Variants in SLX4IP observed in about 807,000 individuals in gnomAD.
SLX4IP encodes protein SLX4IP.
SLX4IP carries 34 observed loss-of-function variants against 32.9 expected under a neutral mutation model. The observed-to-expected ratio is 1.03, with a 90% CI of 0.79 to 1.38. The LOEUF is 1.38. SLX4IP is among the 40% of genes most tolerant of loss of function. The probability of loss-of-function intolerance (pLI) is 0.00; values close to 1 mark genes in which losing one functional copy is unlikely to be tolerated. For synonymous variants in SLX4IP, 172 were observed against 171.7 expected (o/e 1.00, Z -0.01); for missense variants, 444 against 479.0 (o/e 0.93, Z 0.68).
chr20:10,514,264 G>A (rs1276675387), intron 2 of SLX4IP, among the ~76,000 whole-genome samples: 3 of 152,116 alleles, frequency 2.0e-5, no homozygotes, highest in Non-Finnish European at 4.4e-5. Flanking sequence ...ATTCTATTTG[G>A]TGCATTTTCC....
At chr20:10,502,498 A>G (rs1480882701) in intron 2 of SLX4IP, among the ~76,000 whole-genome samples, 1 of 152,038 alleles carries the variant, frequency 6.6e-6, no homozygotes, top group Non-Finnish European at 1.5e-5. Flanking sequence ...CCGCTCACAA[A>G]CCCACTCACT....
intron 1 of SLX4IP, among the ~76,000 whole-genome samples, chr20:10,438,035 C>A (rs1234634550): frequency 6.6e-6 from 1 of 152,090 alleles, no homozygotes; most frequent in Non-Finnish European, 1.5e-5. Context: ...ATAGTCACAG[C>A]CATGTAAATA....
intron 4 of SLX4IP, among the ~76,000 whole-genome samples, chr20:10,562,584 C>T (rs1328399529): frequency 6.6e-6 from 1 of 152,114 alleles, no homozygotes; most frequent in Non-Finnish European, 1.5e-5. Context: ...GAAAATACAA[C>T]ATTTGGGCGT....
chr20:10,554,600 C>A (rs2122495031), intron 2 of SLX4IP, among the ~76,000 whole-genome samples: 1 of 151,978 alleles, frequency 6.6e-6, no homozygotes, highest in South Asian at 2.1e-4. Flanking sequence ...ACCAACATTT[C>A]ATGTTATGTC....
intron 2 of SLX4IP, among the ~76,000 whole-genome samples, chr20:10,470,989 A>G (rs1355967755): frequency 1.3e-5 from 2 of 152,218 alleles, no homozygotes; most frequent in Non-Finnish European, 2.9e-5. Flanking sequence ...CCCTTTGAGC[A>G]TCTTATTTCT....
At chr20:10,462,851 A>G (rs1453788457) in intron 2 of SLX4IP, among the ~76,000 whole-genome samples, 1 of 152,242 alleles carries the variant, frequency 6.6e-6, no homozygotes, top group African/African-American at 2.4e-5. Flanking sequence ...TCCTGTAACA[A>G]AAGAATAAGT....
At chr20:10,437,371 A>G (rs1427123256) in intron 1 of SLX4IP, among the ~76,000 whole-genome samples, 1 of 152,226 alleles carries the variant, frequency 6.6e-6, no homozygotes, top group African/African-American at 2.4e-5. Flanking sequence ...GGGAGCTTTA[A>G]AAACAGACTC....
intron 6 of SLX4IP, among the ~76,000 whole-genome samples, chr20:10,604,419 T>A (rs1600148189): frequency 6.6e-6 from 1 of 152,196 alleles, no homozygotes; most frequent in East Asian, 1.9e-4. Flanking sequence ...GGATTCTCAA[T>A]GTCTAAGTGA....
intron 6 of SLX4IP, among the ~76,000 whole-genome samples, chr20:10,607,926 T>G (rs1299446315): frequency 1.3e-5 from 2 of 152,218 alleles, no homozygotes; most frequent in East Asian, 3.8e-4. Context: ...GTGAAAAACA[T>G]GGTTTGTGCC....
intron 1 of SLX4IP, among the ~76,000 whole-genome samples, chr20:10,445,473 G>A (rs2065194701): frequency 1.3e-5 from 2 of 151,228 alleles, no homozygotes; most frequent in African/African-American, 2.4e-5. Context: ...GCACCAAGAC[G>A]CCTGGCTAAT....
At chr20:10,520,310 A>G (rs1011114843) in intron 2 of SLX4IP, among the ~76,000 whole-genome samples, 6 of 151,868 alleles carry the variant, frequency 4.0e-5, no homozygotes, top group African/African-American at 1.5e-4. Flanking sequence ...TCAGCCTCCC[A>G]AAGTACTGGG....
At chr20:10,515,450 T>G (rs912574314) in intron 2 of SLX4IP, among the ~76,000 whole-genome samples, 5 of 152,178 alleles carry the variant, frequency 3.3e-5, no homozygotes, top group African/African-American at 1.2e-4. Flanking sequence ...AGTGATATAG[T>G]TGCTTTCCAA....
intron 2 of SLX4IP, among the ~76,000 whole-genome samples, chr20:10,538,161 T>C (rs1014012508): frequency 1.3e-5 from 2 of 152,220 alleles, no homozygotes; most frequent in African/African-American, 4.8e-5. Flanking sequence ...ATCCACACTC[T>C]TTGGCTGAGC....
At chr20:10,503,650 T>G (rs1032882420) in intron 2 of SLX4IP, among the ~76,000 whole-genome samples, 1 of 152,186 alleles carries the variant, frequency 6.6e-6, no homozygotes, top group Non-Finnish European at 1.5e-5. Flanking sequence ...ACAAACTGGG[T>G]GGCTTTAAAC....
intron 1 of SLX4IP, among the ~76,000 whole-genome samples, chr20:10,444,901 C>T (rs2065188916): frequency 6.6e-6 from 1 of 151,994 alleles, no homozygotes; most frequent in Non-Finnish European, 1.5e-5. Context: ...ACATGTAGAC[C>T]ATAGCACCAT....
chr20:10,510,611 T>TA (rs199919441), intron 2 of SLX4IP, among the ~76,000 whole-genome samples: 2 of 36,816 alleles, frequency 5.4e-5, no homozygotes, highest in Admixed American at 2.9e-4. Context: ...TTTTTATTAT[T>TA]TTTTTTTTTT....
chr20:10,596,284 G>T (rs1433958224), intron 4 of SLX4IP, among the ~76,000 whole-genome samples: 1 of 152,020 alleles, frequency 6.6e-6, no homozygotes, highest in African/African-American at 2.4e-5. Flanking sequence ...GAGTACAGTG[G>T]TGATCATAGC....
intron 3 of SLX4IP, among the ~76,000 whole-genome samples, chr20:10,559,100 G>A (rs2066302335): frequency 2.0e-5 from 3 of 151,772 alleles, no homozygotes; most frequent in Admixed American, 6.6e-5. Context: ...AACTCTGCAT[G>A]TGAAGCAAAA....
chr20:10,493,138 A>G (rs748587011), intron 2 of SLX4IP, among the ~76,000 whole-genome samples: 24 of 152,018 alleles, frequency 1.6e-4, no homozygotes, highest in Non-Finnish European at 2.8e-4. Flanking sequence ...AAATCTTTCT[A>G]CTTTTTTCTT....
Sources: gnomAD v4.1 joint callset for allele counts (sites outside exome capture counted in the v4.1 genomes callset) on GRCh38, gnomAD v4.1.1 for gene constraint, MANE v1.5 for transcripts, NCBI Gene and HGNC (gene_info 2026-07-23, HGNC 2026-07-21) for gene names.